The following PFKFB3 variants were observed in gnomAD, a reference collection of about 807,000 sequenced individuals.
PFKFB3 encodes the protein 6-phosphofructo-2-kinase/fructose-2,6-biphosphatase 3.
PFKFB3 carries 33 observed loss-of-function variants against 68.0 expected under a neutral mutation model. The observed-to-expected ratio is 0.49, with a 90% CI of 0.37 to 0.65. The LOEUF is 0.65. Ranked by LOEUF, PFKFB3 falls within the 30% of genes least tolerant of loss-of-function variation. PFKFB3 has a pLI of 0.00. For missense variants in PFKFB3, 586 were observed against 712.2 expected, an observed-to-expected ratio of 0.82 and a Z score of 2.02; for synonymous variants, 315 against 288.2, an observed-to-expected ratio of 1.09 and a Z score of -0.94.
intron 1 of PFKFB3, among the ~76,000 whole-genome samples, chr10:6,168,159 G>T (rs1300667824): frequency 1.4e-4 from 21 of 152,158 alleles, no homozygotes; most frequent in Non-Finnish European, 3.1e-4. Context: ...ATACAGAGGG[G>T]CAGCTTAGGT....
chr10:6,147,956 C>T (rs1226054999), intron 1 of PFKFB3, among the ~76,000 whole-genome samples: 1 of 152,238 alleles, frequency 6.6e-6, no homozygotes, highest in East Asian at 1.9e-4. Context: ...ATCTTAGGTG[C>T]TGGTCCTGTC....
chr10:6,174,866 A>T (rs1588421273), intron 1 of PFKFB3, among the ~76,000 whole-genome samples: 1 of 149,942 alleles, frequency 6.7e-6, no homozygotes, highest in Admixed American at 6.7e-5. Flanking sequence ...TGTAGGCTGG[A>T]GTACAGTGGC....
the PFKFB3 span, among the ~76,000 whole-genome samples, chr10:6,281,596 CCA>C: frequency 0.021 from 3,152 of 152,210 alleles, 53 homozygotes; most frequent in Non-Finnish European, 0.035. Flanking sequence ...TGTTTTTCCC[CCA>C]CCCTCCAATT....
chr10:6,156,153 G>GTGTC (rs970186357), intron 1 of PFKFB3, among the ~76,000 whole-genome samples: 20 of 151,818 alleles, frequency 1.3e-4, no homozygotes, highest in African/African-American at 4.6e-4. Context: ...GTGTGTGTGT[G>GTGTC]TGTGTGTGTG....
chr10:6,224,495 A>G (rs764475544), intron 13 of PFKFB3: 13 of 551,114 alleles, frequency 2.4e-5, no homozygotes, highest in South Asian at 1.7e-4. Flanking sequence ...CTTTTTTTTT[A>G]TTTGAGACAG....
the PFKFB3 span, among the ~76,000 whole-genome samples, chr10:6,281,166 C>CTCATATATATATATATAT: frequency 6.2e-3 from 520 of 84,402 alleles, 134 homozygotes; most frequent in Middle Eastern, 0.022. Flanking sequence ...AGTATTCCAT[C>CTCATATATATATATATAT]ATATATATAT....
chr10:6,184,209 C>A (rs586690), intron 1 of PFKFB3, among the ~76,000 whole-genome samples: 95,567 of 151,552 alleles, frequency 0.63, 30,470 homozygotes, highest in Non-Finnish European at 0.69. Flanking sequence ...CCCACCACCA[C>A]GCCCGGTTAA....
At position 6,215,333 on chromosome 10, in the gene PFKFB3, G is replaced by A. The variant is rs772737404; in HGVS notation, c.299+16G>A. ...AAGTCCGGAAGTAAGGCTGGGCCGC[G>A]GGCGTAGGGCTGGGCTGTGGGAATA... is the stretch of plus-strand genomic sequence containing the variant. On this transcript the variant is annotated intron_variant, in intron 3 of 14. Coordinates refer to ENST00000379775, the MANE Select transcript of PFKFB3 (RefSeq NM_004566.4). The surrounding 1 kb of genome is among the most constrained non-coding windows in gnomAD (Gnocchi z 4.3). 1.4e-5 allele frequency: 23 copies of A among 1,598,198 alleles called. No individual in the cohort carries two copies. The East Asian group carries it at 1.6e-4, about 11-fold the overall frequency.
chr10:6,224,097 G>A (rs1027590729), intron 12 of PFKFB3, 52 bp from the exon 13 acceptor site: 46 of 1,612,070 alleles, frequency 2.9e-5, no homozygotes, highest in South Asian at 4.4e-5. Flanking sequence ...GGCTGTAAGC[G>A]GTGCTGTCCC....
At chr10:6,214,769 G>C (rs1588497112) in intron 2 of PFKFB3, among the ~76,000 whole-genome samples, 1 of 152,170 alleles carries the variant, frequency 6.6e-6, no homozygotes, top group Non-Finnish European at 1.5e-5. Flanking sequence ...ACATGTCTCC[G>C]GCCCTGGCCC....
At chr10:6,247,005 T>C (rs948561582) in intron 14 of PFKFB3, among the ~76,000 whole-genome samples, 1 of 152,216 alleles carries the variant, frequency 6.6e-6, no homozygotes, top group East Asian at 1.9e-4. Context: ...GACCCGGACA[T>C]GCAACAAGTC....
intron 1 of PFKFB3, among the ~76,000 whole-genome samples, chr10:6,155,073 C>A (rs10795848): frequency 0.98 from 149,499 of 152,342 alleles, 73,412 homozygotes; most frequent in Middle Eastern, 1. Context: ...TTTCAAGAAG[C>A]AAATGACTTG....
intron 1 of PFKFB3, among the ~76,000 whole-genome samples, chr10:6,184,342 C>T (rs536003956): frequency 1.3e-5 from 2 of 152,228 alleles, no homozygotes; most frequent in African/African-American, 2.4e-5. Context: ...TGTGAGCTAC[C>T]ACACCCAGCC....
intron 1 of PFKFB3, among the ~76,000 whole-genome samples, chr10:6,156,482 A>AT (rs1841797821): frequency 7.5e-6 from 1 of 132,696 alleles, no homozygotes; most frequent in African/African-American, 3.1e-5. Flanking sequence ...TTCACTTTAA[A>AT]TTAAATTAAT....
At chr10:6,304,707 G>A in the PFKFB3 span, among the ~76,000 whole-genome samples, 2 of 136,896 alleles carry the variant, frequency 1.5e-5, no homozygotes, top group East Asian at 2.3e-4. Context: ...TTTTAGTAGA[G>A]ATGACATCTC....
chr10:6,291,822 T>G, the PFKFB3 span, among the ~76,000 whole-genome samples: 1 of 152,128 alleles, frequency 6.6e-6, no homozygotes, highest in African/African-American at 2.4e-5. Flanking sequence ...GTCTGGATGC[T>G]TAACACAGTT....
chr10:6,177,005 C>T (rs986713130), intron 1 of PFKFB3, among the ~76,000 whole-genome samples: 3 of 152,232 alleles, frequency 2.0e-5, no homozygotes, highest in African/African-American at 7.2e-5. Context: ...TGACTTCCCG[C>T]TCCTGCCTGC....
intron 1 of PFKFB3, among the ~76,000 whole-genome samples, chr10:6,182,279 G>C (rs77005638): frequency 0.043 from 6,470 of 151,854 alleles, 273 homozygotes; most frequent in African/African-American, 0.11. Flanking sequence ...CATTCACACA[G>C]AAGCACGCAC....
In PFKFB3 at chr10:6,229,328, C is replaced by CT; in HGVS notation, c.1515+2963_1515+2964insT. 1 of 352,318 alleles carries CT rather than the reference C, an allele frequency of 2.8e-6. No homozygotes were observed. Among genetic ancestry groups the CT allele is most frequent in the Admixed American group, 3.4e-5 (1 of 29,022 alleles). 21.8% of individuals were successfully genotyped at this position (352,318 alleles called of 1,614,324 possible). On this transcript the variant is annotated intron_variant, in intron 14 of 14. Transcript: ENST00000379775. The surrounding 1 kb of genome is among the most constrained non-coding windows in gnomAD (Gnocchi z 4.3). ...TTTAATGGTTGAGGGGCTGAGTGACCGGCCCGTGCTTCCAGCAGGTGAGCC... is the reference window on the plus strand; with the variant it reads ...TTTAATGGTTGAGGGGCTGAGTGACCTGGCCCGTGCTTCCAGCAGGTGAGCC...
Sources: gnomAD v4.1 joint callset for allele counts (sites outside exome capture counted in the v4.1 genomes callset) on GRCh38, gnomAD v4.1.1 for gene constraint, Gnocchi (gnomAD v3.1) non-coding constraint, MANE v1.5 for transcripts, NCBI Gene and HGNC (gene_info 2026-07-23, HGNC 2026-07-21) for gene names.